SNX2: variants seen among roughly 807,000 people sequenced by gnomAD.
SNX2 encodes sorting nexin 2, also known as sorting nexin-2.
A neutral mutation model predicts 69.9 loss-of-function variants in SNX2; 25 were observed. That is an observed-to-expected ratio of 0.36 (90% CI 0.26 to 0.50). The LOEUF (loss-of-function observed/expected upper bound fraction) is 0.50, where lower values mean the gene tolerates loss of function less well. Among genes scored for constraint, SNX2 ranks in the 20% least tolerant of loss-of-function variants. The pLI, the probability that SNX2 is intolerant of heterozygous loss-of-function variation, is 0.97. For missense variants in SNX2, 551 were observed against 613.3 expected (o/e 0.90, Z 1.07); for synonymous variants, 229 against 200.4 (o/e 1.14, Z -1.20).
Position 122,799,710 on chromosome 5 carries a change from C to G in SNX2, c.245C>G (p.Ser82Cys). 1 of 1,612,440 alleles carries G rather than the reference C, an allele frequency of 6.2e-7. No homozygotes were observed. The highest frequency in any genetic ancestry group is 8.5e-7 in the Non-Finnish European group (1 of 1,179,164). The change falls in exon 3 of 15, where the codon TCT becomes TGT. Residue 82 changes from serine to cysteine, a missense_variant. Around this residue, in one of 2 missense-constraint regions of SNX2, gnomAD observed 191 missense variants for 162.9 expected, o/e 1.17. Coordinates refer to ENST00000379516, the MANE Select transcript of SNX2 (RefSeq NM_003100.4). ...DLFAEATEEVSLDSPEREPIL... is the reference protein window; with the variant it reads ...DLFAEATEEVCLDSPEREPIL... ...TGTCTAGAAGCCACAGAAGAAGTTT[C>G]TTTGGACAGCCCTGAAAGGGAACCT...
At chr5:122,783,953 T>C (rs1753028165) in intron 1 of SNX2, among the ~76,000 whole-genome samples, 1 of 151,964 alleles carries the variant, frequency 6.6e-6, no homozygotes, top group Non-Finnish European at 1.5e-5. Flanking sequence ...CTAATGTTTG[T>C]AGCTTTCAGC....
chr5:122,775,162 A>C lies in SNX2; in HGVS notation c.59A>C (p.Asp20Ala), dbSNP rs1216217483. The part of the protein sequence containing the change: ...LGDGKPTDFE[D>A]LEDGEDLFTS... ...GACGGGAAGCCCACCGACTTTGAGG[A>C]TCTGGAGGACGGAGAGGACCTGTTC... Residue 20 changes from aspartate to alanine, a missense_variant, in exon 1 of 15, where the codon GAT becomes GCT. Physicochemically the swap from Asp to Ala is moderately radical, Grantham distance 126. Coordinates refer to ENST00000379516, the MANE Select transcript of SNX2 (RefSeq NM_003100.4). 3.8e-6 allele frequency: 6 copies of C among 1,596,634 alleles called. No individual in the cohort carries two copies. In the Admixed American group the frequency reaches 5.3e-5, roughly 14 times the overall value.
chr5:122,775,521 CTCT>C (rs1752837132), intron 1 of SNX2: 11 of 1,057,738 alleles, frequency 1.0e-5, no homozygotes, highest in Non-Finnish European at 1.3e-5. Flanking sequence ...GCACGTCCTC[CTCT>C]TCAAGCCGGA....
At chr5:122,820,380 A>G (rs1561473571) in intron 11 of SNX2, among the ~76,000 whole-genome samples, 2 of 152,144 alleles carry the variant, frequency 1.3e-5, no homozygotes, top group Admixed American at 1.3e-4. Context: ...TACTAAAAAT[A>G]CAAAAATCAG....
At chr5:122,802,235 TA>T in intron 5 of SNX2, 111 bp downstream of exon 5, 1 of 942,956 alleles carries the variant, frequency 1.1e-6, no homozygotes, top group South Asian at 1.4e-5. Flanking sequence ...GGTTACCACC[TA>T]ATAAAGATTG....
chr5:122,814,108 G>T (rs80005759), intron 7 of SNX2, among the ~76,000 whole-genome samples: 1,896 of 152,180 alleles, frequency 0.012, 40 homozygotes, highest in African/African-American at 0.044. Flanking sequence ...TCCTTCTTGG[G>T]TTTTTGTTTG....
chr5:122,790,943 C>A (rs979222611), intron 1 of SNX2, among the ~76,000 whole-genome samples: 5 of 152,134 alleles, frequency 3.3e-5, no homozygotes, highest in African/African-American at 1.2e-4. Flanking sequence ...TGTTCCTGAT[C>A]TTACTGGGGA....
rs769958782 is a variant in SNX2 at position 122,799,754 on chromosome 5, TCTC to T, written c.292_294del (p.Pro98del). On this transcript the variant is annotated inframe_deletion, in exon 3 of 15. Transcript: ENST00000379516. ...GGAACCTATCCTATCCTCGGAACCT[TCTC>T]CTGCAGTCACACCTGTCACTCCTAC... 16 of 1,613,902 alleles carry T rather than the reference TCTC, an allele frequency of 9.9e-6. No individual in the cohort carries two copies. Among genetic ancestry groups the T allele is most frequent in the Non-Finnish European group, 1.3e-5 (15 of 1,179,850 alleles).
chr5:122,810,378 A>C (rs1753741946), intron 7 of SNX2, among the ~76,000 whole-genome samples: 1 of 145,062 alleles, frequency 6.9e-6, no homozygotes. Context: ...CCTCTGCGAG[A>C]AACACCCAAG....
intron 1 of SNX2, among the ~76,000 whole-genome samples, chr5:122,786,973 T>C (rs1753104790): frequency 6.6e-6 from 1 of 152,152 alleles, no homozygotes; most frequent in Non-Finnish European, 1.5e-5. Flanking sequence ...TAAAGGAATA[T>C]TCATTTATTA....
chr5:122,779,068 A>G (rs1752913748), intron 1 of SNX2, among the ~76,000 whole-genome samples: 1 of 152,160 alleles, frequency 6.6e-6, no homozygotes, highest in Non-Finnish European at 1.5e-5. Flanking sequence ...CTTTAAATAC[A>G]GTTTTGCATG....
chr5:122,784,527 C>A (rs1753039999), intron 1 of SNX2, among the ~76,000 whole-genome samples: 1 of 150,698 alleles, frequency 6.6e-6, no homozygotes, highest in Admixed American at 6.6e-5. Context: ...TTTTTTTAAG[C>A]CCCACCCTCA....
intron 2 of SNX2, among the ~76,000 whole-genome samples, chr5:122,798,933 AT>A (rs1753447807): frequency 6.6e-6 from 1 of 152,048 alleles, no homozygotes; most frequent in Non-Finnish European, 1.5e-5. Context: ...GTCTTTTATT[AT>A]TATTTAACAT....
intron 1 of SNX2, among the ~76,000 whole-genome samples, chr5:122,780,074 G>A (rs1752937770): frequency 6.6e-6 from 1 of 152,214 alleles, no homozygotes; most frequent in African/African-American, 2.4e-5. Flanking sequence ...TCTTAGGGGA[G>A]GGAATAATAA....
At chr5:122,787,908 C>G (rs929405203) in intron 1 of SNX2, among the ~76,000 whole-genome samples, 10 of 152,008 alleles carry the variant, frequency 6.6e-5, no homozygotes. Flanking sequence ...ATAATCTTTA[C>G]TTCAACAGTC....
At chr5:122,784,415 A>G (rs1017515665) in intron 1 of SNX2, among the ~76,000 whole-genome samples, 4 of 151,716 alleles carry the variant, frequency 2.6e-5, no homozygotes, top group African/African-American at 9.7e-5. Flanking sequence ...CCATGAACGG[A>G]TGTTAATTTT....
chr5:122,815,731 T>G, intron 7 of SNX2, 165 bp from the exon 8 acceptor site: 1 of 415,972 alleles, frequency 2.4e-6, no homozygotes, highest in Non-Finnish European at 4.3e-6. Flanking sequence ...AAAAACCTTT[T>G]TAATTATTAA....
At chr5:122,805,509 T>G (rs1753623296) in intron 6 of SNX2, among the ~76,000 whole-genome samples, 1 of 152,128 alleles carries the variant, frequency 6.6e-6, no homozygotes, top group East Asian at 1.9e-4. Context: ...CTTTACAGTT[T>G]CAGAACCTAA....
At position 122,831,204 on chromosome 5, in the gene SNX2, C is replaced by G. The variant is rs1393574645; in HGVS notation, c.*1556C>G. ...AATTTATATATCGAAGTATCCTTAG[C>G]ATGTGTTTGCTTCTGCTTTAGTTGA... On this transcript the variant is annotated 3_prime_UTR_variant, in exon 15 of 15. Coordinates refer to ENST00000379516, the MANE Select transcript of SNX2 (RefSeq NM_003100.4). Among the ~76,000 whole-genome samples the G allele has an allele frequency of 6.6e-6, 1 of 152,076 alleles. No homozygotes were observed. The highest frequency in any genetic ancestry group is 2.1e-4 in the South Asian group (1 of 4,818).
Sources: gnomAD v4.1 joint callset for allele counts (sites outside exome capture counted in the v4.1 genomes callset) on GRCh38, gnomAD v4.1.1 for gene constraint, gnomAD v4.1.1 regional missense constraint, MANE v1.5 for transcripts, NCBI Gene and HGNC (gene_info 2026-07-23, HGNC 2026-07-21) for gene names.